VWA8: variants seen among roughly 807,000 people sequenced by gnomAD.
VWA8 encodes the protein von Willebrand factor A domain containing 8.
A neutral mutation model predicts 241.5 loss-of-function variants in VWA8; 221 were observed. The observed-to-expected ratio is 0.91, with a 90% CI of 0.82 to 1.02. The LOEUF is 1.02. VWA8 is among the 50% of genes least tolerant of loss of function. The pLI is 0.00. For synonymous variants in VWA8, 852 were observed against 827.1 expected (o/e 1.03, Z -0.52); for missense variants, 2,322 against 2,328.7 (o/e 1.00, Z 0.06).
At chr13:41,914,088 G>A (rs924616035) in intron 2 of VWA8, among the ~76,000 whole-genome samples, 2 of 152,220 alleles carry the variant, frequency 1.3e-5, no homozygotes, top group African/African-American at 4.8e-5. Flanking sequence ...AGCTACTCAG[G>A]AGGCTGAGGC....
intron 37 of VWA8, among the ~76,000 whole-genome samples, chr13:41,666,504 G>A (rs1452753233): frequency 6.6e-6 from 1 of 152,138 alleles, no homozygotes; most frequent in African/African-American, 2.4e-5. Context: ...GCATGATAGA[G>A]CTAAACTATA....
intron 4 of VWA8, among the ~76,000 whole-genome samples, chr13:41,893,496 T>C (rs889283550): frequency 2.0e-5 from 3 of 150,054 alleles, no homozygotes; most frequent in Admixed American, 6.6e-5. Context: ...TAGAAGTGAC[T>C]TAGTAGTTTC....
chr13:41,761,264 C>T (rs1413779221), intron 20 of VWA8, 60 bp from the exon 21 acceptor site: 10 of 1,504,150 alleles, frequency 6.6e-6, no homozygotes, highest in African/African-American at 2.8e-5. Context: ...TAAGCTTATG[C>T]CAAATCAGAA....
At chr13:41,728,170 A>C (rs1264067798) in intron 23 of VWA8, among the ~76,000 whole-genome samples, 1 of 152,044 alleles carries the variant, frequency 6.6e-6, no homozygotes. Context: ...TATGATACCA[A>C]AAAGTAATCT....
intron 37 of VWA8, among the ~76,000 whole-genome samples, chr13:41,655,325 T>C (rs1041914994): frequency 3.3e-5 from 5 of 152,038 alleles, no homozygotes; most frequent in Admixed American, 2.0e-4. Context: ...CTGACGTCAG[T>C]TGATCCGCCC....
At chr13:41,739,488 A>C (rs2045550008) in intron 21 of VWA8, among the ~76,000 whole-genome samples, 1 of 152,006 alleles carries the variant, frequency 6.6e-6, no homozygotes, top group African/African-American at 2.4e-5. Context: ...ATATTATTTG[A>C]TATACTCTAA....
intron 2 of VWA8, among the ~76,000 whole-genome samples, chr13:41,930,679 A>T (rs1255646397): frequency 6.6e-6 from 1 of 152,174 alleles, no homozygotes; most frequent in Non-Finnish European, 1.5e-5. Flanking sequence ...CAAGGGAAAA[A>T]CAGAACTACC....
rs1878203664 is a variant in VWA8 at position 41,952,987 on chromosome 13, C to G, written c.164-2974G>C. Reference sequence around the variant, plus strand: ...AGAGGGTCACTGTGTTAGGAAGCCTCCTTCTGGGTAACACAGCAAACCCAT... The same window carrying G: ...AGAGGGTCACTGTGTTAGGAAGCCTGCTTCTGGGTAACACAGCAAACCCAT... On this transcript the variant is annotated intron_variant, in intron 1 of 44. Coordinates refer to ENST00000379310, the MANE Select transcript of VWA8 (RefSeq NM_015058.2). Among the ~76,000 whole-genome samples, 8 of 152,054 alleles carry G rather than the reference C, an allele frequency of 5.3e-5. 1 individual carries two copies. The highest frequency in any genetic ancestry group is 5.2e-4 in the Admixed American group (8 of 15,270).
At chr13:41,793,705 A>C (rs906967652) in intron 17 of VWA8, among the ~76,000 whole-genome samples, 1 of 152,184 alleles carries the variant, frequency 6.6e-6, no homozygotes, top group Non-Finnish European at 1.5e-5. Context: ...AGCTCCAGCT[A>C]CTCAGAAGGC....
chr13:41,595,343 G>A (rs912640317), intron 40 of VWA8, among the ~76,000 whole-genome samples: 1 of 152,140 alleles, frequency 6.6e-6, no homozygotes, highest in African/African-American at 2.4e-5. Context: ...GTAAGGGAGA[G>A]GGAAACACTT....
chr13:41,568,916 A>AACTT (rs1566369612), intron 44 of VWA8, among the ~76,000 whole-genome samples: 1 of 152,234 alleles, frequency 6.6e-6, no homozygotes, highest in Non-Finnish European at 1.5e-5. Context: ...AATTTTAAAA[A>AACTT]ACTTATAATG....
At chr13:41,900,101 G>T (rs1478408138) in intron 4 of VWA8, among the ~76,000 whole-genome samples, 1 of 152,192 alleles carries the variant, frequency 6.6e-6, no homozygotes, top group Admixed American at 6.5e-5. Context: ...GTTATGTAAG[G>T]TTAGGAAGAA....
intron 42 of VWA8, among the ~76,000 whole-genome samples, chr13:41,581,957 C>T (rs186365853): frequency 9.2e-5 from 14 of 152,254 alleles, no homozygotes; most frequent in African/African-American, 2.6e-4. Flanking sequence ...GAAAAGACAA[C>T]GGTTCACAAA....
intron 9 of VWA8, among the ~76,000 whole-genome samples, chr13:41,882,474 G>C (rs1211195109): frequency 6.6e-6 from 1 of 152,144 alleles, no homozygotes; most frequent in Non-Finnish European, 1.5e-5. Flanking sequence ...GGAGGTTGTA[G>C]CGAGCCGAGA....
At position 41,690,276 on chromosome 13, in the gene VWA8, C is replaced by A; in HGVS notation, c.3867-1G>T. On this transcript the variant is annotated splice_acceptor_variant, in intron 32 of 44. Transcript: ENST00000379310. LOFTEE classifies it high-confidence loss of function. Reference sequence around the variant, plus strand: ...TGCAGGCTTAGTTAAAAGATATTTCCTGCAAACAAACAAAACATCTAGCTT... The same window carrying A: ...TGCAGGCTTAGTTAAAAGATATTTCATGCAAACAAACAAAACATCTAGCTT... The A allele has an allele frequency of 6.2e-7, 1 of 1,604,402 alleles. No homozygotes were observed. Among genetic ancestry groups the A allele is most frequent in the Non-Finnish European group, 8.5e-7 (1 of 1,175,270 alleles).
chr13:41,596,850 C>A (rs1310493930), intron 40 of VWA8, among the ~76,000 whole-genome samples: 1 of 150,032 alleles, frequency 6.7e-6, no homozygotes, highest in African/African-American at 2.5e-5. Flanking sequence ...GCACTAAAGA[C>A]AGAATAAATA....
chr13:41,949,169 A>C (rs1878005289), intron 2 of VWA8, among the ~76,000 whole-genome samples: 2 of 152,152 alleles, frequency 1.3e-5, no homozygotes, highest in African/African-American at 4.8e-5. Flanking sequence ...AACCAACCAA[A>C]ATAAATACTT....
Position 41,745,294 on chromosome 13 carries a change from C to T in VWA8, c.2427-13139G>A, listed in dbSNP as rs570593653. 2.0e-5 allele frequency among the ~76,000 whole-genome samples: 3 copies of T among 152,260 alleles called. No individual in the cohort carries two copies. The East Asian group carries it at 5.8e-4, about 29-fold the overall frequency. On this transcript the variant is annotated intron_variant, in intron 21 of 44. Transcript: ENST00000379310. ...CCTAATGCTATCCCTCCCGCATCCC[C>T]CCACCCCATGACAGGCCCCAGTGTG...
chr13:41,895,831 C>CTTTTTTTTTTTTTTTTTTTTTTTTTTT (rs59080554), intron 4 of VWA8, among the ~76,000 whole-genome samples: 2 of 130,024 alleles, frequency 1.5e-5, no homozygotes, highest in Non-Finnish European at 3.2e-5. Flanking sequence ...TGCAAATTTT[C>CTTTTTTTTTTTTTTTTTTTTTTTTTTT]TTTTTTTTTT....
Sources: allele counts gnomAD v4.1 joint callset (sites outside exome capture counted in the v4.1 genomes callset), GRCh38; gene constraint gnomAD v4.1.1; transcripts MANE v1.5; gene names NCBI Gene and HGNC (gene_info 2026-07-23, HGNC 2026-07-21).